The following RECQL4 variants were observed in gnomAD, a reference collection of about 807,000 sequenced individuals.
RECQL4 encodes ATP-dependent DNA helicase Q4.
In RECQL4, 158 loss-of-function variants were observed where a neutral mutation model predicts 128.6. The ratio of observed to expected loss-of-function variants is 1.23; its 90% confidence interval spans 1.08 to 1.40. The LOEUF (loss-of-function observed/expected upper bound fraction) is 1.40, where lower values mean the gene tolerates loss of function less well. Among genes scored for constraint, RECQL4 ranks in the 40% most tolerant of loss-of-function variants. The pLI is 0.00. For missense variants in RECQL4, 2,293 were observed against 1,649.8 expected, an observed-to-expected ratio of 1.39 and a Z score of -6.75; for synonymous variants, 996 against 678.9, an observed-to-expected ratio of 1.47 and a Z score of -7.26.
At position 144,514,098 on chromosome 8, in the gene RECQL4, C is replaced by A. The variant is rs1318489395; in HGVS notation, c.1888G>T (p.Glu630Ter). The change falls in exon 12 of 21, where the codon GAG becomes TAG. Residue 630 changes from glutamate (E) to a stop codon, truncating the protein, a stop_gained. Coordinates refer to ENST00000617875, the MANE Select transcript of RECQL4 (RefSeq NM_004260.4). LOFTEE classifies it high-confidence loss of function. ...CYLRVCKVLR[E>*]RMGVHCFLGL... The stretch of plus-strand genomic sequence containing the variant: ...AGGAAGCAGTGCACGCCCATGCGCT[C>A]CCGAAGCACCTGCACCAGAGGCGGC... The A allele has an allele frequency of 6.2e-7, 1 of 1,604,212 alleles. No individual in the cohort carries two copies. Among genetic ancestry groups the A allele is most frequent in the Admixed American group, 1.7e-5 (1 of 58,842 alleles).
Position 144,514,098 on chromosome 8 carries a change from C to G in RECQL4, c.1888G>C (p.Glu630Gln). 1 of 1,604,212 alleles carries G rather than the reference C, an allele frequency of 6.2e-7. No homozygotes were observed. The highest frequency in any genetic ancestry group is 8.5e-7 in the Non-Finnish European group (1 of 1,176,346). The change falls in exon 12 of 21, where the codon GAG (glutamate) becomes CAG (glutamine). Residue 630 changes from glutamate to glutamine, a missense_variant. Physicochemically the swap from Glu to Gln is conservative, Grantham distance 29. Coordinates refer to ENST00000617875, the MANE Select transcript of RECQL4 (RefSeq NM_004260.4). The stretch of plus-strand genomic sequence containing the variant: ...AGGAAGCAGTGCACGCCCATGCGCT[C>G]CCGAAGCACCTGCACCAGAGGCGGC... ...CYLRVCKVLRERMGVHCFLGL... is the reference protein window; with the variant it reads ...CYLRVCKVLRQRMGVHCFLGL...
At position 144,517,193 on chromosome 8, in the gene RECQL4, G is replaced by T. The variant is rs367849648; in HGVS notation, c.214-3C>A. On this transcript the variant is annotated splice_region_variant and splice_polypyrimidine_tract_variant and intron_variant, in intron 3 of 20. Transcript: ENST00000617875. Reference sequence around the variant, plus strand: ...CCCCAGCAGCGGGGCTCTGGCGCCTGCAGGAGACAACAGGGGCACAGGCCA... The same window carrying T: ...CCCCAGCAGCGGGGCTCTGGCGCCTTCAGGAGACAACAGGGGCACAGGCCA... 5.6e-5 allele frequency: 90 copies of T among 1,597,398 alleles called. No individual in the cohort carries two copies. The African/African-American group carries it at 9.9e-4, about 18-fold the overall frequency.
Position 144,514,873 on chromosome 8 carries a change from C to T in RECQL4, c.1620+63G>A, listed in dbSNP as rs1274703705. 4.7e-5 allele frequency: 74 copies of T among 1,581,586 alleles called. No individual in the cohort carries two copies. In the South Asian group the frequency reaches 8.0e-4, roughly 17 times the overall value. On this transcript the variant is annotated intron_variant, in intron 9 of 20. Transcript: ENST00000617875. ...TGGTTAGGGGACAAGCAGCAGTTGC[C>T]CTTGGGAGTCACAAGTGCTGGTTCT...
chr8:144,514,168 C>A lies in RECQL4; in HGVS notation c.1878+21G>T, dbSNP rs762115652. ...GCCCATCCCGGCCCTGGCCGCCCAC[C>A]CCAGTTCACATATGGCTCACCTTGC... On this transcript the variant is annotated intron_variant, in intron 11 of 20. Transcript: ENST00000617875. The A allele has an allele frequency of 4.3e-6, 7 of 1,612,166 alleles. No individual in the cohort carries two copies. The South Asian group carries it at 7.7e-5, about 18-fold the overall frequency.
chr8:144,512,610 A>C (rs2130665160), intron 16 of RECQL4, 32 bp downstream of exon 16: 2 of 1,611,382 alleles, frequency 1.2e-6, no homozygotes, highest in Non-Finnish European at 1.7e-6. Context: ...TGATTCTCCA[A>C]CCTCGTCTCC....
In RECQL4 at chr8:144,517,359, G is replaced by A. The variant is rs1407570948; in HGVS notation, c.213+55C>T. 17 of 1,504,198 alleles carry A rather than the reference G, an allele frequency of 1.1e-5. No homozygotes were observed. In the South Asian group the frequency reaches 1.2e-4, roughly 11 times the overall value. The allele number at this position is 1,504,198 out of a possible 1,614,324, so 93.2% of individuals were successfully genotyped here. A position where few individuals can be genotyped will look rare whatever the true frequency, so the allele number is the denominator to read the frequency against. On this transcript the variant is annotated intron_variant, in intron 3 of 20. Coordinates refer to ENST00000617875, the MANE Select transcript of RECQL4 (RefSeq NM_004260.4). ...GCCTGGCCGCGACTCCGTGGCTCCC[G>A]CCACTCCGCCAAACAGGGAAGTGGG...
rs1363648649 is a variant in RECQL4 at position 144,513,036 on chromosome 8, T to TGCAGGTGCAGGC, written c.2554_2565dup (p.Ala852_Cys855dup). The TGCAGGTGCAGGC allele has an allele frequency of 1.9e-6, 3 of 1,575,364 alleles. No individual in the cohort carries two copies. Among genetic ancestry groups the TGCAGGTGCAGGC allele is most frequent in the East Asian group, 2.3e-5 (1 of 42,656 alleles). On this transcript the variant is annotated inframe_insertion, in exon 15 of 21. Coordinates refer to ENST00000617875, the MANE Select transcript of RECQL4 (RefSeq NM_004260.4). ...TGCTCCGAGGGCGGCCTGGTGCAGG[T>TGCAGGTGCAGGC]GCAGGTGCAGGCTGGGAACACGCGC... is the stretch of plus-strand genomic sequence containing the variant.
chr8:144,515,425 C>T lies in RECQL4; in HGVS notation c.1291G>A (p.Glu431Lys), dbSNP rs1828015944. Residue 431 changes from glutamate (E) to lysine (K), a missense_variant, in exon 7 of 21, where the codon GAG becomes AAG. Coordinates refer to ENST00000617875, the MANE Select transcript of RECQL4 (RefSeq NM_004260.4). ...GGTTGTGGTGAAGGAACCAGTGGCT[C>T]AGGCCCAACAGCATCTGTGTCTTCC... ...SEEDTDAVGP[E>K]PLVPSPQPVP... 2 of 1,612,816 alleles carry T rather than the reference C, an allele frequency of 1.2e-6. No individual in the cohort carries two copies. The highest frequency in any genetic ancestry group is 1.7e-6 in the Non-Finnish European group (2 of 1,179,834).
chr8:144,515,878 T>TC lies in RECQL4; in HGVS notation c.1143dup (p.Lys382GlufsTer41). 1 of 1,612,922 alleles carries TC rather than the reference T, an allele frequency of 6.2e-7. No individual in the cohort carries two copies. The highest frequency in any genetic ancestry group is 2.2e-5 in the East Asian group (1 of 44,870). ...AAACACTCCCCTTTCTTCCGCCACT[T>TC]CTGCTTCCATGCCTGGGGGGTGCCC... On this transcript the variant is annotated frameshift_variant, in exon 6 of 21. Transcript: ENST00000617875. LOFTEE classifies it high-confidence loss of function.
In RECQL4 at chr8:144,513,990, C is replaced by T. The variant is rs776218553; in HGVS notation, c.1996G>A (p.Gly666Arg). Residue 666 changes from glycine to arginine, a missense_variant, in exon 12 of 21, where the codon GGG (glycine) becomes AGG (arginine). Coordinates refer to ENST00000617875, the MANE Select transcript of RECQL4 (RefSeq NM_004260.4). ...AGGTTGGTGGGAACTGGGGCTGGCC[C>T]GTGGAGGTCAGGCTCTTCAGCCACA... ...LAVAEEPDLH[G>R]PAPVPTNLHL... The T allele has an allele frequency of 9.6e-6, 15 of 1,566,660 alleles. No homozygotes were observed. Among genetic ancestry groups the T allele is most frequent in the Admixed American group, 7.5e-5 (4 of 53,616 alleles).
Position 144,514,112 on chromosome 8 carries a change from A to G in RECQL4, c.1879-5T>C, listed in dbSNP as rs1827798212. The stretch of plus-strand genomic sequence containing the variant: ...GCCCATGCGCTCCCGAAGCACCTGC[A>G]CCAGAGGCGGCAGTGGTGTGAGGCC... On this transcript the variant is annotated splice_region_variant and splice_polypyrimidine_tract_variant and intron_variant, in intron 11 of 20. Coordinates refer to ENST00000617875, the MANE Select transcript of RECQL4 (RefSeq NM_004260.4). 6.2e-7 allele frequency: 1 copy of G among 1,608,216 alleles called. No homozygotes were observed. Among genetic ancestry groups the G allele is most frequent in the African/African-American group, 1.3e-5 (1 of 74,926 alleles).
rs1827598421 is a variant in RECQL4 at position 144,513,240 on chromosome 8, C to T, written c.2441G>A (p.Cys814Tyr). The change falls in exon 14 of 21, where the codon TGC (cysteine) becomes TAC (tyrosine). Residue 814 changes from cysteine to tyrosine, a missense_variant. Physicochemically the swap from Cys to Tyr is radical, Grantham distance 194 (BLOSUM62 -2). Transcript: ENST00000617875. The part of the protein sequence containing the change: ...RAGRDGQPAH[C>Y]HLFLQPQGED... Reference sequence around the variant, plus strand: ...AACCTGGGGCTGCAGGAAGAGGTGGCAGTGGGCAGGCTGCCCGTCACGCCC... The same window carrying T: ...AACCTGGGGCTGCAGGAAGAGGTGGTAGTGGGCAGGCTGCCCGTCACGCCC... The T allele has an allele frequency of 6.3e-7, 1 of 1,584,068 alleles. No individual in the cohort carries two copies. The highest frequency in any genetic ancestry group is 8.5e-7 in the Non-Finnish European group (1 of 1,170,074).
chr8:144,515,566 C>T, intron 6 of RECQL4, 109 bp from the exon 7 acceptor site: 1 of 1,537,074 alleles, frequency 6.5e-7, no homozygotes, highest in Non-Finnish European at 8.9e-7. Context: ...AGTGCCCTTC[C>T]TCTGGGCTAC....
chr8:144,511,904 C>A lies in RECQL4; in HGVS notation c.3393+7G>T. 1 of 1,610,402 alleles carries A rather than the reference C, an allele frequency of 6.2e-7. No individual in the cohort carries two copies. Among genetic ancestry groups the A allele is most frequent in the Non-Finnish European group, 8.5e-7 (1 of 1,179,630 alleles). ...CCCGATGAGCTGCCTGGCCTTACTG[C>A]ACTCACTCTGGCCTGCCCTGGCTCG... On this transcript the variant is annotated splice_region_variant and intron_variant, in intron 19 of 20. Coordinates refer to ENST00000617875, the MANE Select transcript of RECQL4 (RefSeq NM_004260.4).
rs986482653 is a variant in RECQL4 at position 144,511,995 on chromosome 8, C to A, written c.3309G>T (p.Leu1103=). 3.1e-6 allele frequency: 5 copies of A among 1,610,150 alleles called. No homozygotes were observed. The African/African-American group carries it at 5.3e-5, about 17-fold the overall frequency. ...CCTCTTCCTCAAAGTAGCGGCCGAG[C>A]AGGTCCTTGAGCCTGGTGCTGCGCT... is the stretch of plus-strand genomic sequence containing the variant. ...DEERSTRLKD[L]LGRYFEEEEG... Residue 1103 remains leucine (L), a synonymous_variant, in exon 19 of 21, where the codon CTG becomes CTT. Transcript: ENST00000617875.
In RECQL4 at chr8:144,516,721, G is replaced by A. The variant is rs1815095431; in HGVS notation, c.398C>T (p.Ala133Val). ...CTTTGGGGTGGATGCCTTAGATGAG[G>A]CTCTTCCTAGAGGCCACGGTCTGCG... ...LGRRPWPLGR[A>V]SSKASTPKPP... Residue 133 changes from alanine (A) to valine (V), a missense_variant, in exon 5 of 21, where the codon GCC becomes GTC. Ala to Val is a moderately conservative substitution (Grantham distance 64). Coordinates refer to ENST00000617875, the MANE Select transcript of RECQL4 (RefSeq NM_004260.4). 2 of 1,539,890 alleles carry A rather than the reference G, an allele frequency of 1.3e-6. No individual in the cohort carries two copies. The highest frequency in any genetic ancestry group is 3.5e-4 in the Middle Eastern group (2 of 5,672).
rs769224145 is a variant in RECQL4, at chr8:144,514,429, A to G, written c.1704+13T>C. ...CGCTGCCTCCCTCACCCCTAGGCCC[A>G]TGAGGCCCCCACCTTCTGCAGGACA... is the stretch of plus-strand genomic sequence containing the variant. On this transcript the variant is annotated intron_variant, in intron 10 of 20. Coordinates refer to ENST00000617875, the MANE Select transcript of RECQL4 (RefSeq NM_004260.4). 7 of 1,610,576 alleles carry G rather than the reference A, an allele frequency of 4.3e-6. No homozygotes were observed. The highest frequency in any genetic ancestry group is 4.5e-5 in the East Asian group (2 of 44,844).
intron 12 of RECQL4, 51 bp from the exon 13 acceptor site, chr8:144,513,763 T>TGGGCGGTGGGGAGTGAGGAGGGGTCG (rs1399463226): frequency 6.9e-7 from 1 of 1,448,416 alleles, no homozygotes. Flanking sequence ...GGGGTCGGCG[T>TGGGCGGTGGGGAGTGAGGAGGGGTCG]GTGCAGTGGG....
rs1814908636 is a variant in RECQL4, at chr8:144,516,114, G to A, written c.1005C>T (p.Gly335=). 4.3e-6 allele frequency: 7 copies of A among 1,612,938 alleles called. No homozygotes were observed. The highest frequency in any genetic ancestry group is 1.1e-5 in the South Asian group (1 of 91,088). Residue 335 remains glycine, a synonymous_variant, in exon 5 of 21, where the codon GGC becomes GGT. Transcript: ENST00000617875. ...SSQARAGKAE[G]TAPLHIFPRL... is the part of the protein sequence containing the mutation. ...GAGGGAAGATGTGCAGGGGGGCTGT[G>A]CCCTCAGCCTTCCCAGCCCTAGCTT...
Sources: gnomAD v4.1 joint callset for allele counts on GRCh38, gnomAD v4.1.1 for gene constraint, MANE v1.5 for transcripts, NCBI Gene and HGNC (gene_info 2026-07-23, HGNC 2026-07-21) for gene names.